TANGO6: variants seen among roughly 807,000 people sequenced by gnomAD.
The protein encoded by TANGO6 is transport and golgi organization 6 homolog.
Under a neutral mutation model 114.2 loss-of-function variants are expected in TANGO6, and 90 were observed. The ratio of observed to expected loss-of-function variants is 0.79; its 90% CI spans 0.66 to 0.94. The LOEUF is 0.94. TANGO6 is among the 40% of genes least tolerant of loss of function. The probability of loss-of-function intolerance (pLI) is 0.00; values close to 1 mark genes in which losing one functional copy is unlikely to be tolerated. For missense variants in TANGO6, 1,274 were observed against 1,315.3 expected (o/e 0.97, Z 0.49); for synonymous variants, 477 against 509.8 (o/e 0.94, Z 0.87).
intron 12 of TANGO6, among the ~76,000 whole-genome samples, chr16:68,925,788 C>T (rs1351191356): frequency 6.6e-6 from 1 of 151,392 alleles, no homozygotes; most frequent in Non-Finnish European, 1.5e-5. Flanking sequence ...AATTTTTGTG[C>T]AAGGTGCAAG....
intron 3 of TANGO6, among the ~76,000 whole-genome samples, chr16:68,865,912 C>T (rs959257337): frequency 3.4e-5 from 5 of 149,080 alleles, no homozygotes; most frequent in African/African-American, 7.3e-5. Context: ...AGCAAGACTC[C>T]GTCTCAAAAA....
At chr16:68,893,999 G>C (rs993271821) in intron 7 of TANGO6, among the ~76,000 whole-genome samples, 3 of 152,202 alleles carry the variant, frequency 2.0e-5, no homozygotes, top group African/African-American at 7.2e-5. Context: ...CAGCTTGTCT[G>C]TTGTGCCTTC....
At chr16:69,028,572 G>T (rs556879878) in intron 16 of TANGO6, among the ~76,000 whole-genome samples, 1 of 152,166 alleles carries the variant, frequency 6.6e-6, no homozygotes, top group East Asian at 1.9e-4. Flanking sequence ...GGCGGAGTTT[G>T]CAGTGAGCTA....
chr16:69,010,473 A>C (rs140049293), intron 15 of TANGO6, among the ~76,000 whole-genome samples: 1 of 152,022 alleles, frequency 6.6e-6, no homozygotes, highest in African/African-American at 2.4e-5. Context: ...TTCACCTCTC[A>C]TTGTGCCCTT....
At chr16:69,056,646 A>C (rs1300009344) in intron 17 of TANGO6, among the ~76,000 whole-genome samples, 1 of 152,110 alleles carries the variant, frequency 6.6e-6, no homozygotes, top group Non-Finnish European at 1.5e-5. Context: ...AAGCAGGCCA[A>C]GTTCCTTGAA....
At chr16:68,961,311 A>G (rs1304950868) in intron 14 of TANGO6, among the ~76,000 whole-genome samples, 3 of 152,216 alleles carry the variant, frequency 2.0e-5, no homozygotes, top group African/African-American at 4.8e-5. Context: ...GTGCGCTGTC[A>G]TGTAGCAGAG....
At position 68,880,510 on chromosome 16, in the gene TANGO6, G is replaced by A. The variant is rs754812722; in HGVS notation, c.1295-38G>A. The A allele has an allele frequency of 9.5e-6, 14 of 1,471,308 alleles. No homozygotes were observed. In the Admixed American group the frequency reaches 1.1e-4, roughly 11 times the overall value. 91.1% of individuals were successfully genotyped at this position (1,471,308 alleles called of 1,614,324 possible). On this transcript the variant is annotated intron_variant, in intron 6 of 17. Transcript: ENST00000261778. ...GCTTTAGTATGTCCTATTCAGTGAG[G>A]CACTAAATATGGGTAATTTTGTGTG...
At chr16:68,876,847 G>T (rs944182356) in intron 5 of TANGO6, among the ~76,000 whole-genome samples, 6 of 152,034 alleles carry the variant, frequency 3.9e-5, no homozygotes, top group Non-Finnish European at 7.4e-5. Flanking sequence ...AAAACACAGT[G>T]TACCTTGGAG....
intron 14 of TANGO6, among the ~76,000 whole-genome samples, chr16:68,970,209 G>GAAC (rs1388831867): frequency 6.6e-6 from 1 of 152,146 alleles, no homozygotes; most frequent in African/African-American, 2.4e-5. Context: ...TTCTCCAAAA[G>GAAC]AACACCATGG....
intron 17 of TANGO6, among the ~76,000 whole-genome samples, chr16:69,054,291 C>T (rs911312047): frequency 1.3e-5 from 2 of 152,170 alleles, no homozygotes; most frequent in African/African-American, 4.8e-5. Context: ...CTCCAGGCTT[C>T]TGCTGGTTGG....
At chr16:68,919,055 C>A in intron 11 of TANGO6, 30 bp from the exon 12 acceptor site, 1 of 1,585,728 alleles carries the variant, frequency 6.3e-7, no homozygotes, top group Non-Finnish European at 8.6e-7. Flanking sequence ...TTTCATTCCT[C>A]ATTGATTCTC....
intron 17 of TANGO6, among the ~76,000 whole-genome samples, chr16:69,068,921 T>A (rs1960257000): frequency 6.6e-6 from 1 of 152,202 alleles, no homozygotes; most frequent in South Asian, 2.1e-4. Context: ...TTTGCCATGT[T>A]GGCCAGGCTG....
intron 12 of TANGO6, among the ~76,000 whole-genome samples, chr16:68,924,924 C>T (rs989224447): frequency 1.3e-5 from 2 of 152,042 alleles, no homozygotes; most frequent in Non-Finnish European, 2.9e-5. Context: ...TTGTCCAGCC[C>T]GAGGCCAGGG....
At chr16:69,019,523 G>A (rs1471217507) in intron 15 of TANGO6, among the ~76,000 whole-genome samples, 7 of 151,522 alleles carry the variant, frequency 4.6e-5, no homozygotes, top group Non-Finnish European at 1.0e-4. Flanking sequence ...AAACAAAAAC[G>A]AAAAAAAACA....
chr16:68,878,180 C>A lies in TANGO6; in HGVS notation c.1194C>A (p.Thr398=). The change falls in exon 6 of 18, where the codon ACC becomes ACA. Residue 398 remains threonine (T), a synonymous_variant. Coordinates refer to ENST00000261778, the MANE Select transcript of TANGO6 (RefSeq NM_024562.2). ...CACGACAATTTCAGAGAGTTGCCACCACTACCTTTATAACTTTGTCAAGAG... is the reference window on the plus strand; with the variant it reads ...CACGACAATTTCAGAGAGTTGCCACAACTACCTTTATAACTTTGTCAAGAG... ...LTARQFQRVA[T]TTFITLSRER... 2.5e-6 allele frequency: 4 copies of A among 1,613,186 alleles called. No individual in the cohort carries two copies. The highest frequency in any genetic ancestry group is 3.4e-6 in the Non-Finnish European group (4 of 1,179,572).
chr16:68,864,031 G>A (rs140512106), intron 3 of TANGO6, among the ~76,000 whole-genome samples: 109 of 152,054 alleles, frequency 7.2e-4, no homozygotes, highest in African/African-American at 2.5e-3. Context: ...AAAATTAGCC[G>A]GGCATGGTGA....
chr16:68,916,681 ACCT>A (rs1196313108), intron 11 of TANGO6, among the ~76,000 whole-genome samples: 3 of 152,188 alleles, frequency 2.0e-5, no homozygotes, highest in Admixed American at 2.0e-4. Flanking sequence ...TGAGGAGGAA[ACCT>A]CCTTTTGAGA....
intron 14 of TANGO6, among the ~76,000 whole-genome samples, chr16:68,942,052 A>T (rs1963359958): frequency 6.6e-6 from 1 of 151,864 alleles, no homozygotes; most frequent in Admixed American, 6.6e-5. Context: ...ATGTAGAGCC[A>T]GGCACGGTGG....
intron 15 of TANGO6, among the ~76,000 whole-genome samples, chr16:68,975,285 C>T (rs75244465): frequency 4.1e-4 from 62 of 152,254 alleles, no homozygotes; most frequent in African/African-American, 1.5e-3. Context: ...ACTGAACCAC[C>T]AACTTGAAGG....
Sources: gnomAD v4.1 joint callset for allele counts (sites outside exome capture counted in the v4.1 genomes callset) on GRCh38, gnomAD v4.1.1 for gene constraint, MANE v1.5 for transcripts, NCBI Gene and HGNC (gene_info 2026-07-23, HGNC 2026-07-21) for gene names.